ARHGAP24: variants seen among roughly 807,000 people sequenced by gnomAD.
ARHGAP24 encodes the protein Rho GTPase activating protein 24.
ARHGAP24 carries 50 observed loss-of-function variants against 76.4 expected under a neutral mutation model. The ratio of observed to expected loss-of-function variants is 0.65; its 90% confidence interval spans 0.52 to 0.83. ARHGAP24 has a LOEUF of 0.83. Among genes scored for constraint, ARHGAP24 ranks in the 40% least tolerant of loss-of-function variants. ARHGAP24 has a pLI of 0.00. For missense variants in ARHGAP24, 930 were observed against 914.2 expected, an observed-to-expected ratio of 1.02 and a Z score of -0.22; for synonymous variants, 345 against 323.3, an observed-to-expected ratio of 1.07 and a Z score of -0.72.
intron 3 of ARHGAP24, among the ~76,000 whole-genome samples, chr4:85,797,537 T>C (rs1728413778): frequency 6.6e-6 from 1 of 152,234 alleles, no homozygotes; most frequent in African/African-American, 2.4e-5. Flanking sequence ...GATTAATTTA[T>C]AGCTAAGGTG....
chr4:85,936,527 T>C (rs998930980), intron 4 of ARHGAP24, among the ~76,000 whole-genome samples: 4 of 151,988 alleles, frequency 2.6e-5, no homozygotes, highest in African/African-American at 9.7e-5. Context: ...GCTCATAGGA[T>C]AGATATATAG....
Position 85,957,625 on chromosome 4 carries a change from T to C in ARHGAP24, c.600-14411T>C, listed in dbSNP as rs181486526. On this transcript the variant is annotated intron_variant, in intron 5 of 9. Coordinates refer to ENST00000395184, the MANE Select transcript of ARHGAP24 (RefSeq NM_001025616.3). ...AAATTACTTGGAATAACCCACACTT[T>C]GGGAAATACAGTCAGGTCACTCTTT... 2.4e-3 allele frequency among the ~76,000 whole-genome samples: 369 copies of C among 152,326 alleles called. 1 individual carries two copies. The highest frequency in any genetic ancestry group is 7.2e-3 in the Admixed American group (110 of 15,296).
intron 1 of ARHGAP24, among the ~76,000 whole-genome samples, chr4:85,515,200 C>T (rs1724448576): frequency 1.3e-5 from 2 of 152,094 alleles, no homozygotes; most frequent in Non-Finnish European, 2.9e-5. Flanking sequence ...TCTGAGAATT[C>T]CTCCAAGCAG....
intron 2 of ARHGAP24, among the ~76,000 whole-genome samples, chr4:85,656,796 A>C (rs201380974): frequency 1.7e-5 from 1 of 58,602 alleles, no homozygotes; most frequent in Non-Finnish European, 2.9e-5. Context: ...AATCAGCTTT[A>C]AAAAAAAAAT....
chr4:85,902,883 C>T (rs556018866), intron 3 of ARHGAP24, among the ~76,000 whole-genome samples: 27 of 152,296 alleles, frequency 1.8e-4, no homozygotes, highest in African/African-American at 4.6e-4. Context: ...GGATTACTGG[C>T]GTGAGCCACT....
At chr4:85,672,768 A>G (rs1267175009) in intron 2 of ARHGAP24, among the ~76,000 whole-genome samples, 1 of 152,170 alleles carries the variant, frequency 6.6e-6, no homozygotes, top group African/African-American at 2.4e-5. Context: ...ATTTGAAAAC[A>G]CTTGGAAAGG....
chr4:85,638,769 T>C (rs1027003623), intron 2 of ARHGAP24, among the ~76,000 whole-genome samples: 7 of 152,172 alleles, frequency 4.6e-5, no homozygotes, highest in African/African-American at 1.7e-4. Flanking sequence ...CCATTTACTC[T>C]TTACTACTGA....
At chr4:85,886,237 T>C (rs1272804457) in intron 3 of ARHGAP24, among the ~76,000 whole-genome samples, 4 of 152,184 alleles carry the variant, frequency 2.6e-5, no homozygotes, top group Non-Finnish European at 5.9e-5. Flanking sequence ...TACTGTAATA[T>C]GATAAACTTC....
At chr4:85,616,452 A>G (rs1373894674) in intron 2 of ARHGAP24, among the ~76,000 whole-genome samples, 4 of 152,210 alleles carry the variant, frequency 2.6e-5, no homozygotes, top group African/African-American at 9.6e-5. Flanking sequence ...GACACTTCTA[A>G]TATTTAAAGC....
At chr4:85,573,217 T>C (rs371675655) in intron 2 of ARHGAP24, among the ~76,000 whole-genome samples, 1 of 152,160 alleles carries the variant, frequency 6.6e-6, no homozygotes, top group South Asian at 2.1e-4. Flanking sequence ...TAACTAACTT[T>C]CATACAATTC....
intron 5 of ARHGAP24, among the ~76,000 whole-genome samples, chr4:85,964,114 A>G (rs1416248104): frequency 6.6e-6 from 1 of 152,098 alleles, no homozygotes; most frequent in Non-Finnish European, 1.5e-5. Context: ...CTGTTATGTC[A>G]GAATATATAT....
intron 2 of ARHGAP24, among the ~76,000 whole-genome samples, chr4:85,663,222 G>A: frequency 6.7e-6 from 1 of 149,802 alleles, no homozygotes. Context: ...TCTCCTTGAA[G>A]AGGTCCTTCA....
chr4:85,586,919 T>A (rs532955941), intron 2 of ARHGAP24, among the ~76,000 whole-genome samples: 13 of 152,064 alleles, frequency 8.5e-5, no homozygotes, highest in African/African-American at 2.6e-4. Flanking sequence ...AATAAATAAA[T>A]AAAAATAAAG....
chr4:85,612,669 A>G (rs1218347346), intron 2 of ARHGAP24, among the ~76,000 whole-genome samples: 2 of 152,018 alleles, frequency 1.3e-5, no homozygotes, highest in African/African-American at 2.4e-5. Context: ...GAGGATACCC[A>G]TATACCCACC....
Position 85,835,254 on chromosome 4 carries a change from T to TA in ARHGAP24, c.269-88382dup, listed in dbSNP as rs751784586. The stretch of plus-strand genomic sequence containing the variant: ...ACCTAGTAACTCGCACAATGTAATT[T>TA]AAAAAAAAAAAAGCAAACTTTGGGC... On this transcript the variant is annotated intron_variant, in intron 3 of 9. Coordinates refer to ENST00000395184, the MANE Select transcript of ARHGAP24 (RefSeq NM_001025616.3). Among the ~76,000 whole-genome samples the TA allele has an allele frequency of 8.3e-3, 1,193 of 143,746 alleles. 11 individuals carry two copies. Among genetic ancestry groups the TA allele is most frequent in the East Asian group, 0.039 (192 of 4,944 alleles). The allele number at this position is 143,746 out of a possible 152,430, so 94.3% of individuals were successfully genotyped here.
chr4:85,788,119 A>G (rs114582810), intron 3 of ARHGAP24, among the ~76,000 whole-genome samples: 2,222 of 152,264 alleles, frequency 0.015, 50 homozygotes, highest in African/African-American at 0.05. Context: ...ACACACAGGG[A>G]TGAGGAAGCC....
chr4:85,899,012 G>A (rs969127472), intron 3 of ARHGAP24, among the ~76,000 whole-genome samples: 22 of 152,238 alleles, frequency 1.4e-4, no homozygotes, highest in African/African-American at 5.1e-4. Context: ...CCAAAGTGCT[G>A]GGATTACAGG....
At chr4:85,847,030 G>A (rs1730933649) in intron 3 of ARHGAP24, among the ~76,000 whole-genome samples, 1 of 152,148 alleles carries the variant, frequency 6.6e-6, no homozygotes, top group Non-Finnish European at 1.5e-5. Context: ...GACAGTGTGA[G>A]GGTATAGAGC....
rs1026033698 is a variant in ARHGAP24, at chr4:85,595,312, G to C, written c.180+24591G>C. Among the ~76,000 whole-genome samples, 5 of 152,060 alleles carry C rather than the reference G, an allele frequency of 3.3e-5. No homozygotes were observed. The South Asian group carries it at 8.3e-4, about 25-fold the overall frequency. On this transcript the variant is annotated intron_variant, in intron 2 of 9. Transcript: ENST00000395184. ...TCTTGGCAGACCAAGGGTACATTCT[G>C]TTTGTTTTGCGCTCAGTTCGTTTTG...
Sources: allele counts gnomAD v4.1 joint callset (sites outside exome capture counted in the v4.1 genomes callset), GRCh38; gene constraint gnomAD v4.1.1; transcripts MANE v1.5; gene names NCBI Gene and HGNC (gene_info 2026-07-23, HGNC 2026-07-21).